Variants in ADAMTS18 observed in about 807,000 individuals in gnomAD.
ADAMTS18 encodes the protein A disintegrin and metalloproteinase with thrombospondin motifs 18.
Under a neutral mutation model 165.9 loss-of-function variants are expected in ADAMTS18, and 157 were observed. That is an observed-to-expected ratio of 0.95 (90% CI 0.83 to 1.08). The LOEUF (loss-of-function observed/expected upper bound fraction) is 1.08. ADAMTS18 is among the 50% of genes least tolerant of loss of function. The pLI is 0.00. For synonymous variants in ADAMTS18, 782 were observed against 578.2 expected, an observed-to-expected ratio of 1.35 and a Z score of -5.06; for missense variants, 2,040 against 1,534.0, an observed-to-expected ratio of 1.33 and a Z score of -5.51.
chr16:77,286,139 T>TAGATTAGTATATTCCTGC (rs2055246272), intron 22 of ADAMTS18, among the ~76,000 whole-genome samples: 1 of 152,180 alleles, frequency 6.6e-6, no homozygotes, highest in Admixed American at 6.5e-5. Context: ...ATTCCTCAAT[T>TAGATTAGTATATTCCTGC]AGATTAGTAT....
At chr16:77,407,298 T>C (rs1313563722) in intron 3 of ADAMTS18, among the ~76,000 whole-genome samples, 4 of 152,098 alleles carry the variant, frequency 2.6e-5, no homozygotes, top group African/African-American at 9.7e-5. Flanking sequence ...GCAAGATCTC[T>C]ATAATGAAAA....
intron 13 of ADAMTS18, 103 bp from the exon 14 acceptor site, chr16:77,322,569 G>T: frequency 7.1e-7 from 1 of 1,405,966 alleles, no homozygotes; most frequent in Non-Finnish European, 9.9e-7. Context: ...AAGCTATCAT[G>T]ATGAATATGG....
intron 16 of ADAMTS18, among the ~76,000 whole-genome samples, chr16:77,308,416 G>C (rs1195249704): frequency 6.6e-6 from 1 of 152,046 alleles, no homozygotes; most frequent in Non-Finnish European, 1.5e-5. Flanking sequence ...ATTGTTGTGT[G>C]TGTGTATGTG....
At chr16:77,384,082 C>T (rs2057072282) in intron 3 of ADAMTS18, among the ~76,000 whole-genome samples, 2 of 152,114 alleles carry the variant, frequency 1.3e-5, no homozygotes, top group South Asian at 4.1e-4. Flanking sequence ...GCCTGTTCTG[C>T]CGACTTCCCT....
chr16:77,320,670 G>C (rs936208318), intron 15 of ADAMTS18, among the ~76,000 whole-genome samples: 1 of 151,758 alleles, frequency 6.6e-6, no homozygotes, highest in Non-Finnish European at 1.5e-5. Flanking sequence ...AAGAAGCTTA[G>C]AACCATGTAT....
intron 11 of ADAMTS18, among the ~76,000 whole-genome samples, chr16:77,338,902 C>G (rs913262418): frequency 6.9e-6 from 1 of 145,466 alleles, no homozygotes; most frequent in Non-Finnish European, 1.5e-5. Flanking sequence ...TGCAGTGAGC[C>G]AAGATCATGC....
At chr16:77,379,241 T>A (rs1406973244) in intron 3 of ADAMTS18, among the ~76,000 whole-genome samples, 1 of 152,208 alleles carries the variant, frequency 6.6e-6, no homozygotes, top group African/African-American at 2.4e-5. Context: ...TTCAAATGTT[T>A]AACTCCAGCC....
chr16:77,351,565 G>T (rs1421304292), intron 10 of ADAMTS18, among the ~76,000 whole-genome samples: 1 of 152,086 alleles, frequency 6.6e-6, no homozygotes, highest in African/African-American at 2.4e-5. Context: ...CTGTGCTTTT[G>T]CTGCATAGTA....
At chr16:77,369,731 C>G in intron 3 of ADAMTS18, among the ~76,000 whole-genome samples, 1 of 152,090 alleles carries the variant, frequency 6.6e-6, no homozygotes, top group Non-Finnish European at 1.5e-5. Flanking sequence ...GGTAGTTTTC[C>G]AAACTCATTC....
chr16:77,291,440 C>A lies in ADAMTS18; in HGVS notation c.3228G>T (p.Glu1076Asp), dbSNP rs189816611. ...ATCGLGVRKR[E>D]MKCSEKGFQG... Reference sequence around the variant, plus strand: ...GGAAGCCCTTCTCGCTGCACTTCATCTCCCTCTTCCTCACACCCAAACCAC... The same window carrying A: ...GGAAGCCCTTCTCGCTGCACTTCATATCCCTCTTCCTCACACCCAAACCAC... The change falls in exon 21 of 23, where the codon GAG becomes GAT. Residue 1076 changes from glutamate (E) to aspartate (D), a missense_variant. Physicochemically the swap from Glu to Asp is conservative, Grantham distance 45. Coordinates refer to ENST00000282849, the MANE Select transcript of ADAMTS18 (RefSeq NM_199355.4). The A allele has an allele frequency of 1.9e-6, 3 of 1,614,186 alleles. No individual in the cohort carries two copies. The highest frequency in any genetic ancestry group is 2.7e-5 in the African/African-American group (2 of 75,040).
intron 19 of ADAMTS18, 67 bp downstream of exon 19, chr16:77,294,856 C>T: frequency 5.3e-6 from 8 of 1,495,664 alleles, no homozygotes; most frequent in Non-Finnish European, 7.4e-6. Context: ...CAGTGGAGAG[C>T]AAAGACACCT....
intron 16 of ADAMTS18, among the ~76,000 whole-genome samples, chr16:77,315,388 T>C (rs2055868842): frequency 6.6e-6 from 1 of 152,176 alleles, no homozygotes; most frequent in South Asian, 2.1e-4. Context: ...AGACGGATTT[T>C]AAATACCTTA....
At chr16:77,400,468 GTGTGTGTGTGTGTTTTGTTTTT>G (rs1567541683) in intron 3 of ADAMTS18, among the ~76,000 whole-genome samples, 2 of 139,958 alleles carry the variant, frequency 1.4e-5, no homozygotes, top group Admixed American at 7.1e-5. Context: ...GTGTGTGTGT[GTGTGTGTGTGTGTTTTGTTTTT>G]TTTTTTTTTG....
At chr16:77,409,973 A>G (rs755566578) in intron 3 of ADAMTS18, among the ~76,000 whole-genome samples, 6 of 152,250 alleles carry the variant, frequency 3.9e-5, no homozygotes, top group Middle Eastern at 6.8e-3. Flanking sequence ...GACTCACCCG[A>G]TACTACTTAC....
At chr16:77,332,050 T>C (rs114917790) in intron 12 of ADAMTS18, among the ~76,000 whole-genome samples, 1,642 of 152,298 alleles carry the variant, frequency 0.011, 29 homozygotes, top group African/African-American at 0.037. Flanking sequence ...ACTTCACAAA[T>C]GTTAACTCAG....
intron 3 of ADAMTS18, among the ~76,000 whole-genome samples, chr16:77,374,903 AAAAAG>A (rs1433055005): frequency 2.6e-5 from 4 of 152,226 alleles, no homozygotes; most frequent in Non-Finnish European, 2.9e-5. Flanking sequence ...CTAGATATTA[AAAAAG>A]AAAAGTATTA....
At chr16:77,395,131 C>T (rs2057239905) in intron 3 of ADAMTS18, among the ~76,000 whole-genome samples, 1 of 152,078 alleles carries the variant, frequency 6.6e-6, no homozygotes, top group African/African-American at 2.4e-5. Flanking sequence ...CCAGAAGAGA[C>T]CTGAGGAAGG....
intron 16 of ADAMTS18, among the ~76,000 whole-genome samples, chr16:77,313,404 T>G (rs551085202): frequency 2.6e-5 from 4 of 151,534 alleles, no homozygotes; most frequent in Non-Finnish European, 5.9e-5. Flanking sequence ...GTAACAAACC[T>G]GTACATTGTG....
chr16:77,288,322 C>T (rs181258439), intron 22 of ADAMTS18, among the ~76,000 whole-genome samples: 14 of 152,060 alleles, frequency 9.2e-5, no homozygotes, highest in Middle Eastern at 3.4e-3. Flanking sequence ...AGAACATGAC[C>T]GCTTGCTCAT....
Sources: gnomAD v4.1 joint callset for allele counts (sites outside exome capture counted in the v4.1 genomes callset) on GRCh38, gnomAD v4.1.1 for gene constraint, MANE v1.5 for transcripts, NCBI Gene and HGNC (gene_info 2026-07-23, HGNC 2026-07-21) for gene names.